Variants in WIPF3 observed in about 807,000 individuals in gnomAD.
The protein encoded by WIPF3 is WAS/WASL-interacting protein family member 3.
WIPF3 carries 33 observed loss-of-function variants against 38.9 expected under a neutral mutation model. That is an observed-to-expected ratio of 0.85 (90% CI 0.64 to 1.14). The LOEUF is 1.14. Among genes scored for constraint, WIPF3 ranks in the 50% most tolerant of loss-of-function variants. The probability of loss-of-function intolerance (pLI) is 0.00; values close to 1 mark genes in which losing one functional copy is unlikely to be tolerated. For missense variants in WIPF3, 711 were observed against 652.5 expected (o/e 1.09, Z -0.98); for synonymous variants, 324 against 269.3 (o/e 1.20, Z -1.99).
intron 8 of WIPF3, among the ~76,000 whole-genome samples, chr7:29,906,627 T>C (rs1056163675): frequency 6.6e-6 from 1 of 152,066 alleles, no homozygotes; most frequent in African/African-American, 2.4e-5. Flanking sequence ...TCTGAAGAAA[T>C]AATAGCTCAA....
chr7:29,833,979 A>T (rs1029899503), intron 1 of WIPF3, among the ~76,000 whole-genome samples: 3 of 152,200 alleles, frequency 2.0e-5, no homozygotes, highest in Non-Finnish European at 4.4e-5. Flanking sequence ...TATAATATTA[A>T]CTATTTGAAA....
intron 1 of WIPF3, among the ~76,000 whole-genome samples, chr7:29,807,366 T>C (rs566155426): frequency 4.6e-4 from 70 of 152,296 alleles, no homozygotes; most frequent in Admixed American, 1.1e-3. Flanking sequence ...CAAATGGGTT[T>C]AGGGTCCTTT....
intron 6 of WIPF3, among the ~76,000 whole-genome samples, chr7:29,889,095 T>C (rs1412238370): frequency 6.6e-6 from 1 of 152,162 alleles, no homozygotes. Flanking sequence ...GATTTCCCTC[T>C]TCCTGCTTCC....
Position 29,878,888 on chromosome 7 carries a change from T to A in WIPF3, c.224-121T>A. ...CTGAGTGAAAGGATGACATTGGAGGTGGGAGAATGGGAAGGCTGACAAGGG... is the reference window on the plus strand; with the variant it reads ...CTGAGTGAAAGGATGACATTGGAGGAGGGAGAATGGGAAGGCTGACAAGGG... On this transcript the variant is annotated intron_variant, in intron 3 of 8. Transcript: ENST00000242140. This position sits in a 1 kb window ranked among gnomAD's most constrained non-coding sequence, Gnocchi z 4.0. 1 of 1,153,800 alleles carries A rather than the reference T, an allele frequency of 8.7e-7. No homozygotes were observed. The highest frequency in any genetic ancestry group is 1.2e-6 in the Non-Finnish European group (1 of 823,404). 71.5% of individuals were successfully genotyped at this position (1,153,800 alleles called of 1,614,324 possible).
chr7:29,903,861 T>C (rs1786337567), intron 7 of WIPF3, among the ~76,000 whole-genome samples: 1 of 152,200 alleles, frequency 6.6e-6, no homozygotes, highest in Non-Finnish European at 1.5e-5. Context: ...AAGATATTCA[T>C]ATGTAACTTG....
intron 2 of WIPF3, among the ~76,000 whole-genome samples, chr7:29,862,471 T>C (rs757361679): frequency 2.0e-4 from 31 of 152,190 alleles, no homozygotes; most frequent in Non-Finnish European, 1.8e-4. Context: ...CCTGGGGATA[T>C]ATTATCATCT....
At chr7:29,807,607 C>A (rs1418025669) in intron 1 of WIPF3, among the ~76,000 whole-genome samples, 1 of 152,350 alleles carries the variant, frequency 6.6e-6, no homozygotes, top group East Asian at 1.9e-4. Context: ...GCGTGGGGAC[C>A]GTGTGTGCGC....
At chr7:29,912,534 T>TACA (rs1786523434) in intron 8 of WIPF3, 1 of 212,466 alleles carries the variant, frequency 4.7e-6, no homozygotes, top group Admixed American at 4.1e-5. Flanking sequence ...CTTGATCCTC[T>TACA]TGTAGTTCAT....
At chr7:29,898,201 C>G (rs566687208) in intron 7 of WIPF3, among the ~76,000 whole-genome samples, 1 of 152,300 alleles carries the variant, frequency 6.6e-6, no homozygotes, top group South Asian at 2.1e-4. Context: ...GATTTTATGA[C>G]AGCTCTCTCC....
At chr7:29,821,810 A>G (rs1333167122) in intron 1 of WIPF3, among the ~76,000 whole-genome samples, 3 of 151,864 alleles carry the variant, frequency 2.0e-5, no homozygotes, top group African/African-American at 7.3e-5. Context: ...ATTTTTCTCA[A>G]TCCTCCATGG....
At chr7:29,811,191 A>G (rs1022795988) in intron 1 of WIPF3, among the ~76,000 whole-genome samples, 1 of 152,086 alleles carries the variant, frequency 6.6e-6, no homozygotes, top group South Asian at 2.1e-4. Flanking sequence ...TTGCCCAGCC[A>G]TAAGATAGAT....
rs577766905 is a variant in WIPF3 at position 29,826,764 on chromosome 7, A to C, written c.-57-7904A>C. ...ATGACTTGATTTATAGTAAATGTTA[A>C]ATAAATGTGAGTTTAGGAGGTATGC... is the stretch of plus-strand genomic sequence containing the variant. On this transcript the variant is annotated intron_variant, in intron 1 of 8. Coordinates refer to ENST00000242140, the MANE Select transcript of WIPF3 (RefSeq NM_001080529.3). 2.0e-5 allele frequency among the ~76,000 whole-genome samples: 3 copies of C among 152,330 alleles called. No homozygotes were observed. In the East Asian group the frequency reaches 5.8e-4, roughly 29 times the overall value.
intron 8 of WIPF3, among the ~76,000 whole-genome samples, chr7:29,912,224 A>G (rs886482432): frequency 2.5e-4 from 38 of 152,348 alleles, no homozygotes; most frequent in Non-Finnish European, 4.0e-4. Context: ...AATTACAATG[A>G]GATACCACCT....
At chr7:29,832,395 G>A (rs573764479) in intron 1 of WIPF3, among the ~76,000 whole-genome samples, 1 of 152,310 alleles carries the variant, frequency 6.6e-6, no homozygotes, top group East Asian at 1.9e-4. Flanking sequence ...GTCATTGTGT[G>A]TATTAGTTTA....
intron 2 of WIPF3, among the ~76,000 whole-genome samples, chr7:29,835,045 T>C (rs1161024074): frequency 6.6e-6 from 1 of 152,000 alleles, no homozygotes; most frequent in Non-Finnish European, 1.5e-5. Flanking sequence ...GGTCTACTGA[T>C]GTCTACCTCA....
chr7:29,822,929 G>T (rs900460396), intron 1 of WIPF3, among the ~76,000 whole-genome samples: 2 of 152,124 alleles, frequency 1.3e-5, no homozygotes, highest in Non-Finnish European at 1.5e-5. Flanking sequence ...CCTCCTCTCT[G>T]CTGCAGTTTA....
At chr7:29,828,545 T>C (rs1784661212) in intron 1 of WIPF3, among the ~76,000 whole-genome samples, 1 of 152,182 alleles carries the variant, frequency 6.6e-6, no homozygotes, top group Non-Finnish European at 1.5e-5. Flanking sequence ...ATTTCAAAAT[T>C]GAACTTCGCG....
chr7:29,874,125 G>A (rs1444811554), intron 2 of WIPF3, among the ~76,000 whole-genome samples: 37 of 152,018 alleles, frequency 2.4e-4, no homozygotes, highest in Non-Finnish European at 5.9e-5. Flanking sequence ...GCATTGCACA[G>A]TGGCTTAACT....
chr7:29,809,874 T>C (rs1179255933), intron 1 of WIPF3, among the ~76,000 whole-genome samples: 1 of 151,996 alleles, frequency 6.6e-6, no homozygotes, highest in Non-Finnish European at 1.5e-5. Flanking sequence ...CTTGAAGGAA[T>C]GTTCATCCTA....
Sources: gnomAD v4.1 joint callset for allele counts (sites outside exome capture counted in the v4.1 genomes callset) on GRCh38, gnomAD v4.1.1 for gene constraint, Gnocchi (gnomAD v3.1) non-coding constraint, MANE v1.5 for transcripts, NCBI Gene and HGNC (gene_info 2026-07-23, HGNC 2026-07-21) for gene names.